The following TRPS1 variants were observed in gnomAD, a reference collection of about 807,000 sequenced individuals.
TRPS1 encodes transcriptional repressor GATA binding 1.
TRPS1 carries 6 observed loss-of-function variants against 101.2 expected under a neutral mutation model. The ratio of observed to expected loss-of-function variants is 0.06; its 90% CI spans 0.03 to 0.12. The LOEUF is 0.12. Ranked by LOEUF, TRPS1 falls within the 10% of genes least tolerant of loss-of-function variation. The pLI is 1.00. For missense variants in TRPS1, 1,363 were observed against 1,567.0 expected (o/e 0.87, Z 2.20); for synonymous variants, 578 against 589.8 (o/e 0.98, Z 0.29).
intron 5 of TRPS1, among the ~76,000 whole-genome samples, chr8:115,575,184 T>C (rs984960776): frequency 6.6e-6 from 1 of 152,026 alleles, no homozygotes; most frequent in African/African-American, 2.4e-5. Context: ...CTATTGATAA[T>C]AGCAAAAAAT....
chr8:115,597,948 G>A (rs1016993510), intron 4 of TRPS1, among the ~76,000 whole-genome samples: 1 of 152,062 alleles, frequency 6.6e-6, no homozygotes, highest in African/African-American at 2.4e-5. Flanking sequence ...TGTTTCAGGT[G>A]TATATACAGT....
At position 115,608,581 on chromosome 8, in the gene TRPS1, GTC is replaced by G. The variant is rs1206238058; in HGVS notation, c.967-3581_967-3580del. Among the ~76,000 whole-genome samples the G allele has an allele frequency of 2.0e-5, 3 of 147,240 alleles. No individual in the cohort carries two copies. In the East Asian group the frequency reaches 5.8e-4, roughly 28 times the overall value. ...CATTATTTAACCTCTTGGAACCTTAGTCTCCTGGCCTCTATGGATACAATACT... is the reference window on the plus strand; with the variant it reads ...CATTATTTAACCTCTTGGAACCTTAGTCCTGGCCTCTATGGATACAATACT... On this transcript the variant is annotated intron_variant, in intron 3 of 6. Transcript: ENST00000395715.
intron 5 of TRPS1, among the ~76,000 whole-genome samples, chr8:115,457,436 G>A (rs1006626302): frequency 1.3e-5 from 2 of 151,986 alleles, no homozygotes; most frequent in Non-Finnish European, 2.9e-5. Flanking sequence ...GAGAAGAAGG[G>A]TGGTTTTCAG....
rs560498342 is a variant in TRPS1, at chr8:115,443,776, G to A, written c.2701-25324C>T. Among the ~76,000 whole-genome samples, 7 of 152,288 alleles carry A rather than the reference G, an allele frequency of 4.6e-5. No individual in the cohort carries two copies. In the South Asian group the frequency reaches 1.0e-3, roughly 23 times the overall value. ...TACTCAATAAATATTGGTTATGATC[G>A]TTCCATTTCAGAAATCCATCCTTTC... is the stretch of plus-strand genomic sequence containing the variant. On this transcript the variant is annotated intron_variant, in intron 5 of 6. Transcript: ENST00000395715.
chr8:115,503,954 T>C (rs951199075), intron 5 of TRPS1, among the ~76,000 whole-genome samples: 3 of 152,222 alleles, frequency 2.0e-5, no homozygotes, highest in Non-Finnish European at 4.4e-5. Context: ...CTTACATATT[T>C]TTCCAAGGGC....
intron 5 of TRPS1, among the ~76,000 whole-genome samples, chr8:115,551,802 T>C (rs962633850): frequency 6.6e-6 from 1 of 152,218 alleles, no homozygotes; most frequent in Non-Finnish European, 1.5e-5. Context: ...GTAAAATGCA[T>C]TTTATAATCT....
Position 115,587,517 on chromosome 8 carries a change from G to A in TRPS1, c.2184C>T (p.His728=). 1 of 1,614,170 alleles carries A rather than the reference G, an allele frequency of 6.2e-7. No homozygotes were observed. The highest frequency in any genetic ancestry group is 8.5e-7 in the Non-Finnish European group (1 of 1,180,014). The part of the protein sequence containing the change: ...QSLLEHFNTV[H]CQEQDITTAN... Reference sequence around the variant, plus strand: ...CTGTAGTGATGTCCTGTTCCTGGCAGTGAACAGTGTTGAAGTGCTCCAGTA... The same window carrying A: ...CTGTAGTGATGTCCTGTTCCTGGCAATGAACAGTGTTGAAGTGCTCCAGTA... Residue 728 remains histidine, a synonymous_variant, in exon 5 of 7, where the codon CAC becomes CAT. Coordinates refer to ENST00000395715, the MANE Select transcript of TRPS1 (RefSeq NM_014112.5).
chr8:115,424,143 C>A (rs1813134531), intron 5 of TRPS1, among the ~76,000 whole-genome samples: 2 of 152,122 alleles, frequency 1.3e-5, no homozygotes, highest in African/African-American at 4.8e-5. Context: ...CCCTGATAGG[C>A]AGAATATTTA....
chr8:115,573,464 G>T (rs1817250684), intron 5 of TRPS1, among the ~76,000 whole-genome samples: 1 of 152,032 alleles, frequency 6.6e-6, no homozygotes, highest in South Asian at 2.1e-4. Flanking sequence ...GCTAACTCTT[G>T]AAGACTGTCT....
intron 1 of TRPS1, among the ~76,000 whole-genome samples, chr8:115,654,987 T>C (rs1441759103): frequency 6.6e-6 from 1 of 152,204 alleles, no homozygotes; most frequent in East Asian, 1.9e-4. Flanking sequence ...GTGGGCAGAT[T>C]TCCTCAGCAA....
intron 5 of TRPS1, among the ~76,000 whole-genome samples, chr8:115,573,911 C>T (rs1817262095): frequency 1.3e-5 from 2 of 152,148 alleles, no homozygotes; most frequent in Non-Finnish European, 2.9e-5. Flanking sequence ...GTCTTCCTTT[C>T]CGAAACAAGC....
intron 5 of TRPS1, among the ~76,000 whole-genome samples, chr8:115,497,777 A>G (rs1259877578): frequency 1.3e-5 from 2 of 152,158 alleles, no homozygotes; most frequent in Admixed American, 6.5e-5. Flanking sequence ...ATTATGTTAC[A>G]TCAATAAGCC....
In TRPS1 at chr8:115,419,849, T is replaced by C. The variant is rs184395824; in HGVS notation, c.2701-1397A>G. Among the ~76,000 whole-genome samples, 8 of 152,312 alleles carry C rather than the reference T, an allele frequency of 5.3e-5. No individual in the cohort carries two copies. The East Asian group carries it at 1.5e-3, about 29-fold the overall frequency. On this transcript the variant is annotated intron_variant, in intron 5 of 6. Coordinates refer to ENST00000395715, the MANE Select transcript of TRPS1 (RefSeq NM_014112.5). ...AGGCTCTCGTCAGCTAAACTAATTA[T>C]GATCTTGCAATTGCTGATGCCTGCT...
intron 5 of TRPS1, among the ~76,000 whole-genome samples, chr8:115,527,901 T>G (rs1816038552): frequency 6.6e-6 from 1 of 152,098 alleles, no homozygotes; most frequent in South Asian, 2.1e-4. Context: ...TACCCCAAAT[T>G]AGAACCTTTC....
At chr8:115,472,618 T>C (rs1385028389) in intron 5 of TRPS1, among the ~76,000 whole-genome samples, 1 of 152,198 alleles carries the variant, frequency 6.6e-6, no homozygotes, top group African/African-American at 2.4e-5. Flanking sequence ...TTGTATTGCA[T>C]TGTCAGGCTG....
intron 5 of TRPS1, among the ~76,000 whole-genome samples, chr8:115,430,072 C>T (rs1347781115): frequency 6.6e-6 from 1 of 152,102 alleles, no homozygotes; most frequent in Non-Finnish European, 1.5e-5. Context: ...GTGACTTACC[C>T]TTTGCTATTT....
rs1395462128 is a variant in TRPS1 at position 115,619,432 on chromosome 8, G to T, written c.666C>A (p.Asn222Lys). 2 of 1,614,080 alleles carry T rather than the reference G, an allele frequency of 1.2e-6. No homozygotes were observed. The highest frequency in any genetic ancestry group is 1.7e-6 in the Non-Finnish European group (2 of 1,180,036). ...CTGGAGACAGAGGTGCCGGGTCTGGGTTGTCATTCACCAGTAAGTCAGTTT... is the reference window on the plus strand; with the variant it reads ...CTGGAGACAGAGGTGCCGGGTCTGGTTTGTCATTCACCAGTAAGTCAGTTT... Reference protein sequence around the residue: ...KSKTDLLVNDNPDPAPLSPEL... With the variant: ...KSKTDLLVNDKPDPAPLSPEL... The change falls in exon 3 of 7, where the codon AAC becomes AAA. Residue 222 changes from asparagine (N) to lysine (K), a missense_variant. Asn to Lys is a moderately conservative substitution (Grantham distance 94). Around this residue, in one of 5 missense-constraint regions of TRPS1, gnomAD observed 1,020 missense variants for 1,073.0 expected, o/e 0.95. Transcript: ENST00000395715.
intron 5 of TRPS1, among the ~76,000 whole-genome samples, chr8:115,435,998 T>TCACACACA (rs4027183): frequency 0.018 from 2,374 of 134,022 alleles, 25 homozygotes; most frequent in African/African-American, 0.03. Context: ...AAATGAGAAA[T>TCACACACA]CACACACACA....
chr8:115,534,221 A>G (rs1816224289), intron 5 of TRPS1, among the ~76,000 whole-genome samples: 1 of 151,650 alleles, frequency 6.6e-6, no homozygotes, highest in Non-Finnish European at 1.5e-5. Context: ...CTGCAGTACC[A>G]TCACACTGGA....
Sources: allele counts gnomAD v4.1 joint callset (sites outside exome capture counted in the v4.1 genomes callset), GRCh38; gene constraint gnomAD v4.1.1; regional missense constraint gnomAD v4.1.1; transcripts MANE v1.5; gene names NCBI Gene and HGNC (gene_info 2026-07-23, HGNC 2026-07-21).